The following KCNQ1 variants were observed in gnomAD, a reference collection of about 807,000 sequenced individuals.
The protein encoded by KCNQ1 is potassium voltage-gated channel subfamily Q member 1.
Under a neutral mutation model 72.4 loss-of-function variants are expected in KCNQ1, and 49 were observed. The observed-to-expected ratio is 0.68, with a 90% CI of 0.54 to 0.86. KCNQ1 has a LOEUF of 0.86. Among genes scored for constraint, KCNQ1 ranks in the 40% least tolerant of loss-of-function variants. The pLI, the probability that KCNQ1 is intolerant of heterozygous loss-of-function variation, is 0.00. For missense variants in KCNQ1, 790 were observed against 945.1 expected (o/e 0.84, Z 2.15); for synonymous variants, 450 against 412.6 (o/e 1.09, Z -1.10).
intron 15 of KCNQ1, among the ~76,000 whole-genome samples, chr11:2,797,768 C>A (rs1416847469): frequency 6.6e-6 from 1 of 152,174 alleles, no homozygotes; most frequent in Non-Finnish European, 1.5e-5. Flanking sequence ...TGCACTCCCT[C>A]CCCTGGGAGC....
chr11:2,807,409 G>C (rs1847399295), intron 15 of KCNQ1, among the ~76,000 whole-genome samples: 2 of 152,206 alleles, frequency 1.3e-5, no homozygotes, highest in Admixed American at 1.3e-4. Context: ...ATGGAGAGCG[G>C]GACTGTGCCG....
rs1846121496 is a variant in KCNQ1, at chr11:2,745,386, TC to T, written c.1515-23454del. ...CATTATTCCTGGATGAGACCTTCTTTCCCCTGCTATTTTGGAATTTTTTCTC... is the reference window on the plus strand; with the variant it reads ...CATTATTCCTGGATGAGACCTTCTTTCCCTGCTATTTTGGAATTTTTTCTC... On this transcript the variant is annotated intron_variant, in intron 11 of 15. Transcript: ENST00000155840. This position sits in a 1 kb window ranked among gnomAD's most constrained non-coding sequence, Gnocchi z 6.2. Among the ~76,000 whole-genome samples, 1 of 152,164 alleles carries T rather than the reference TC, an allele frequency of 6.6e-6. No homozygotes were observed.
chr11:2,844,930 C>A (rs918795563), intron 15 of KCNQ1, among the ~76,000 whole-genome samples: 1 of 152,218 alleles, frequency 6.6e-6, no homozygotes, highest in African/African-American at 2.4e-5. Context: ...TACCAGTATG[C>A]GGGGCCCAGG....
chr11:2,491,955 T>C lies in KCNQ1; in HGVS notation c.387-35973T>C, dbSNP rs1846841935. ...GAAGGAAAAAAAAGAAAAAAACTTT[T>C]GCTCTAGAATAGTATATCTGGTGAA... is the stretch of plus-strand genomic sequence containing the variant. On this transcript the variant is annotated intron_variant, in intron 1 of 15. Transcript: ENST00000155840. This position sits in a 1 kb window ranked among gnomAD's most constrained non-coding sequence, Gnocchi z 4.1. Among the ~76,000 whole-genome samples, 1 of 152,174 alleles carries C rather than the reference T, an allele frequency of 6.6e-6. No homozygotes were observed. The highest frequency in any genetic ancestry group is 1.5e-5 in the Non-Finnish European group (1 of 68,028).
At chr11:2,502,501 A>G (rs1226451751) in intron 1 of KCNQ1, among the ~76,000 whole-genome samples, 3 of 152,240 alleles carry the variant, frequency 2.0e-5, no homozygotes, top group Non-Finnish European at 4.4e-5. Flanking sequence ...GATCTCTACA[A>G]TGAAAATTAT....
Position 2,661,687 on chromosome 11 carries a change from C to G in KCNQ1, c.1394-274C>G. On this transcript the variant is annotated intron_variant, in intron 10 of 15. Coordinates refer to ENST00000155840, the MANE Select transcript of KCNQ1 (RefSeq NM_000218.3). The surrounding 1 kb of genome is among the most constrained non-coding windows in gnomAD (Gnocchi z 5.9). ...GCCCAGAACCTGAGGTGGGGAGAGTCTTGGACACCTGAGCACAGCCCCAGG... is the reference window on the plus strand; with the variant it reads ...GCCCAGAACCTGAGGTGGGGAGAGTGTTGGACACCTGAGCACAGCCCCAGG... 1 of 602,060 alleles carries G rather than the reference C, an allele frequency of 1.7e-6. No individual in the cohort carries two copies. Among genetic ancestry groups the G allele is most frequent in the East Asian group, 2.7e-5 (1 of 36,416 alleles). 37.3% of individuals were successfully genotyped at this position (602,060 alleles called of 1,614,324 possible).
In KCNQ1 at chr11:2,663,041, AG is replaced by A. The variant is rs1849997184; in HGVS notation, c.1514+962del. Reference sequence around the variant, plus strand: ...CGGGACCCATGGTGCTGGGGGCTGCAGGTGTAACCAGAGAACTGGCAGGGTT... The same window carrying A: ...CGGGACCCATGGTGCTGGGGGCTGCAGTGTAACCAGAGAACTGGCAGGGTT... On this transcript the variant is annotated intron_variant, in intron 11 of 15. Transcript: ENST00000155840. This position sits in a 1 kb window ranked among gnomAD's most constrained non-coding sequence, Gnocchi z 5.2. The A allele has an allele frequency of 5.0e-6, 2 of 398,636 alleles. No homozygotes were observed. The highest frequency in any genetic ancestry group is 2.1e-5 in the African/African-American group (1 of 48,638). 24.7% of individuals were successfully genotyped at this position (398,636 alleles called of 1,614,324 possible). A position where few individuals can be genotyped will look rare whatever the true frequency, so the allele number is the denominator to read the frequency against.
At chr11:2,737,356 C>T (rs1845974826) in intron 11 of KCNQ1, among the ~76,000 whole-genome samples, 1 of 152,178 alleles carries the variant, frequency 6.6e-6, no homozygotes, top group South Asian at 2.1e-4. Context: ...GGAAGCTGCT[C>T]TCCTGGGGCA....
Position 2,809,398 on chromosome 11 carries a change from C to T in KCNQ1, c.1794+31361C>T, listed in dbSNP as rs958777062. ...GCCAGCGACGCTGCAACCCCGCCCC[C>T]GCAGCCTCCTGGTGCAGCACGTGTT... is the stretch of plus-strand genomic sequence containing the variant. On this transcript the variant is annotated intron_variant, in intron 15 of 15. Transcript: ENST00000155840. The surrounding 1 kb of genome is among the most constrained non-coding windows in gnomAD (Gnocchi z 7.1). Among the ~76,000 whole-genome samples, 1 of 152,182 alleles carries T rather than the reference C, an allele frequency of 6.6e-6. No individual in the cohort carries two copies. Among genetic ancestry groups the T allele is most frequent in the African/African-American group, 2.4e-5 (1 of 41,440 alleles).
At chr11:2,445,617 C>T in intron 1 of KCNQ1, 133 bp downstream of exon 1, 1 of 1,061,654 alleles carries the variant, frequency 9.4e-7, no homozygotes, top group African/African-American at 1.6e-5. Flanking sequence ...AGTGGGGAAA[C>T]GCAGAAACAC....
intron 10 of KCNQ1, chr11:2,635,918 C>T (rs1306369392): frequency 1.3e-5 from 2 of 152,078 alleles, no homozygotes; most frequent in Non-Finnish European, 2.9e-5. Flanking sequence ...AAGTTGGATT[C>T]CTAGGTATTT....
chr11:2,513,627 G>A (rs1050415823), intron 1 of KCNQ1, among the ~76,000 whole-genome samples: 12 of 152,146 alleles, frequency 7.9e-5, no homozygotes, highest in East Asian at 1.9e-4. Flanking sequence ...GCCTGCTGTC[G>A]GGAGCCTCCA....
In KCNQ1 at chr11:2,785,814, A is replaced by C. The variant is rs1033601902; in HGVS notation, c.1794+7777A>C. On this transcript the variant is annotated intron_variant, in intron 15 of 15. Coordinates refer to ENST00000155840, the MANE Select transcript of KCNQ1 (RefSeq NM_000218.3). This position sits in a 1 kb window ranked among gnomAD's most constrained non-coding sequence, Gnocchi z 4.4. Reference sequence around the variant, plus strand: ...TATGTATTCTACTACCATCCTTGGAAAGGTTAACCTAGAACATTTTAAATG... The same window carrying C: ...TATGTATTCTACTACCATCCTTGGACAGGTTAACCTAGAACATTTTAAATG... 1.3e-5 allele frequency among the ~76,000 whole-genome samples: 2 copies of C among 152,038 alleles called. No homozygotes were observed. The highest frequency in any genetic ancestry group is 2.9e-5 in the Non-Finnish European group (2 of 67,916).
intron 6 of KCNQ1, among the ~76,000 whole-genome samples, chr11:2,581,134 G>T (rs1334023606): frequency 6.6e-6 from 1 of 152,210 alleles, no homozygotes; most frequent in Non-Finnish European, 1.5e-5. Context: ...GGTTGCAGGG[G>T]CCCTCCGAGC....
chr11:2,607,385 T>C lies in KCNQ1; in HGVS notation c.1393+18531T>C, dbSNP rs545379542. Among the ~76,000 whole-genome samples the C allele has an allele frequency of 2.6e-5, 4 of 152,258 alleles. No individual in the cohort carries two copies. In the South Asian group the frequency reaches 8.3e-4, roughly 32 times the overall value. On this transcript the variant is annotated intron_variant, in intron 10 of 15. Coordinates refer to ENST00000155840, the MANE Select transcript of KCNQ1 (RefSeq NM_000218.3). ...ACTGAATGTGTGTGTTTCCTCAAAA[T>C]GTATATGTTGAAATCCTAACCCCCA...
At chr11:2,499,434 G>A (rs971604008) in intron 1 of KCNQ1, among the ~76,000 whole-genome samples, 3 of 151,760 alleles carry the variant, frequency 2.0e-5, no homozygotes, top group Non-Finnish European at 4.4e-5. Flanking sequence ...ATAATAAAAT[G>A]GCAAGAGTGA....
intron 10 of KCNQ1, chr11:2,649,205 T>G: frequency 2.5e-6 from 1 of 398,388 alleles, no homozygotes; most frequent in Admixed American, 4.4e-5. Flanking sequence ...TTAAATTACC[T>G]ACATTCAAGA....
chr11:2,572,933 G>C lies in KCNQ1; in HGVS notation c.868G>C (p.Glu290Gln). The C allele has an allele frequency of 6.2e-7, 1 of 1,613,814 alleles. No individual in the cohort carries two copies. Among genetic ancestry groups the C allele is most frequent in the Non-Finnish European group, 8.5e-7 (1 of 1,180,018 alleles). ...CCTGGCTGAGAAGGACGCGGTGAAC[G>C]AGTCAGGCCGCGTGGAGTTCGGCAG... is the stretch of plus-strand genomic sequence containing the variant. ...VYLAEKDAVNESGRVEFGSYA... is the reference protein window; with the variant it reads ...VYLAEKDAVNQSGRVEFGSYA... Residue 290 changes from glutamate (E) to glutamine (Q), a missense_variant, in exon 6 of 16, where the codon GAG (glutamate) becomes CAG (glutamine). By Grantham distance (29) the Glu-to-Gln change is conservative (BLOSUM62 2). Around this residue, in one of 5 missense-constraint regions of KCNQ1, gnomAD observed 133 missense variants for 219.5 expected, o/e 0.61. Coordinates refer to ENST00000155840, the MANE Select transcript of KCNQ1 (RefSeq NM_000218.3).
At position 2,627,452 on chromosome 11, in the gene KCNQ1, A is replaced by G. The variant is rs1297404163; in HGVS notation, c.1394-34509A>G. 5.0e-6 allele frequency: 2 copies of G among 398,144 alleles called. No homozygotes were observed. Among genetic ancestry groups the G allele is most frequent in the Non-Finnish European group, 8.9e-6 (2 of 225,982 alleles). 24.7% of individuals were successfully genotyped at this position (398,144 alleles called of 1,614,324 possible). ...ATGTTTGTACCCTTCAACATTTCCT[A>G]TTTCCCCTACTCCCTGACCCCTAGT... On this transcript the variant is annotated intron_variant, in intron 10 of 15. Coordinates refer to ENST00000155840, the MANE Select transcript of KCNQ1 (RefSeq NM_000218.3). This position sits in a 1 kb window ranked among gnomAD's most constrained non-coding sequence, Gnocchi z 4.9.
Sources: gnomAD v4.1 joint callset for allele counts (sites outside exome capture counted in the v4.1 genomes callset) on GRCh38, gnomAD v4.1.1 for gene constraint, gnomAD v4.1.1 regional missense constraint, Gnocchi (gnomAD v3.1) non-coding constraint, MANE v1.5 for transcripts, NCBI Gene and HGNC (gene_info 2026-07-23, HGNC 2026-07-21) for gene names.